The following SCN2A variants were observed in gnomAD, a reference collection of about 807,000 sequenced individuals.
SCN2A encodes sodium channel protein type 2 subunit alpha.
In SCN2A, 20 loss-of-function variants were observed where a neutral mutation model predicts 188.7. The ratio of observed to expected loss-of-function variants is 0.11; its 90% CI spans 0.07 to 0.15. The LOEUF (loss-of-function observed/expected upper bound fraction) is 0.15. SCN2A is among the 10% of genes least tolerant of loss of function. The pLI, the probability that SCN2A is intolerant of heterozygous loss-of-function variation, is 1.00. For missense variants in SCN2A, 1,278 were observed against 2,445.0 expected, an observed-to-expected ratio of 0.52 and a Z score of 10.07; for synonymous variants, 804 against 833.1, an observed-to-expected ratio of 0.97 and a Z score of 0.60.
chr2:165,347,621 C>G (rs1434742178), intron 16 of SCN2A, among the ~76,000 whole-genome samples: 1 of 152,150 alleles, frequency 6.6e-6, no homozygotes, highest in East Asian at 1.9e-4. Flanking sequence ...CCATACCCAA[C>G]ACTAGTGTCC....
At chr2:165,384,781 G>A (rs1338259945) in intron 25 of SCN2A, among the ~76,000 whole-genome samples, 1 of 152,160 alleles carries the variant, frequency 6.6e-6, no homozygotes, top group Non-Finnish European at 1.5e-5. Context: ...TCAAAACTGA[G>A]TTAGAATTCA....
rs745451958 is a variant in SCN2A at position 165,326,908 on chromosome 2, C to G, written c.2073C>G (p.Ser691=). The change falls in exon 13 of 27, where the codon TCC becomes TCG. Residue 691 remains serine (S), a synonymous_variant. Coordinates refer to ENST00000375437, the MANE Select transcript of SCN2A (RefSeq NM_001040142.2). ...GACGGTCCAGTTCTTATCATGTTTC[C>G]ATGGATTTATTGGAAGATCCTACAT... ...RKRRSSSYHV[S]MDLLEDPTSR... 7 of 1,613,920 alleles carry G rather than the reference C, an allele frequency of 4.3e-6. No individual in the cohort carries two copies. The South Asian group carries it at 6.6e-5, about 15-fold the overall frequency.
chr2:165,378,891 A>G (rs1701452675), intron 23 of SCN2A, among the ~76,000 whole-genome samples: 1 of 151,808 alleles, frequency 6.6e-6, no homozygotes, highest in Non-Finnish European at 1.5e-5. Flanking sequence ...GCAAATTTAA[A>G]CCAAAATAAA....
chr2:165,309,599 G>A (rs550493463), intron 6 of SCN2A, among the ~76,000 whole-genome samples, 156 bp downstream of exon 6: 38 of 152,244 alleles, frequency 2.5e-4, no homozygotes, highest in African/African-American at 8.7e-4. Context: ...TTGATTCTTT[G>A]CTTTTTACTC....
chr2:165,308,102 GTAGTGGGCTCACT>G (rs1375543796), intron 4 of SCN2A, among the ~76,000 whole-genome samples, 165 bp downstream of exon 4: 2 of 152,098 alleles, frequency 1.3e-5, no homozygotes, highest in African/African-American at 4.8e-5. Context: ...GACAAAGCTT[GTAGTGGGCTCACT>G]TAGTTGTGTA....
chr2:165,305,636 G>A (rs1697081228), intron 3 of SCN2A, among the ~76,000 whole-genome samples: 2 of 152,092 alleles, frequency 1.3e-5, no homozygotes. Context: ...GCTAAGGGGA[G>A]GAACCATCCT....
At chr2:165,377,391 T>A (rs1701371562) in intron 22 of SCN2A, among the ~76,000 whole-genome samples, 1 of 151,976 alleles carries the variant, frequency 6.6e-6, no homozygotes. Flanking sequence ...ATGCTAAATA[T>A]CCACATAAGA....
At chr2:165,245,644 G>A (rs1693812188) in intron 1 of SCN2A, among the ~76,000 whole-genome samples, 1 of 152,100 alleles carries the variant, frequency 6.6e-6, no homozygotes, top group African/African-American at 2.4e-5. Context: ...CAGTCTAGAA[G>A]ACAGGAGCCT....
chr2:165,309,509 G>A lies in SCN2A; in HGVS notation c.697+66G>A, dbSNP rs1028484708. 6 of 1,587,486 alleles carry A rather than the reference G, an allele frequency of 3.8e-6. No individual in the cohort carries two copies. The African/African-American group carries it at 6.7e-5, about 18-fold the overall frequency. On this transcript the variant is annotated intron_variant, in intron 6 of 26. Transcript: ENST00000375437. ...GTGGTGCTACAATCACAGCTTTTGT[G>A]CAGAAGCCTTGTTGCTAGTTGCATA...
At chr2:165,301,942 A>G (rs1044211541) in intron 3 of SCN2A, among the ~76,000 whole-genome samples, 3 of 152,188 alleles carry the variant, frequency 2.0e-5, no homozygotes, top group African/African-American at 4.8e-5. Flanking sequence ...AAAACTTCAG[A>G]CCAGGTTTTT....
chr2:165,383,402 G>T (rs535292279), intron 25 of SCN2A, among the ~76,000 whole-genome samples: 52 of 152,256 alleles, frequency 3.4e-4, no homozygotes, highest in African/African-American at 1.2e-3. Flanking sequence ...AGGAGGGCTG[G>T]TGAGACTGGA....
intron 3 of SCN2A, among the ~76,000 whole-genome samples, chr2:165,305,551 G>A (rs1178794177): frequency 6.6e-6 from 1 of 152,156 alleles, no homozygotes; most frequent in Admixed American, 6.6e-5. Context: ...AAAGAATACA[G>A]AGAAATTGGT....
At chr2:165,261,443 TA>T (rs1297629308) in intron 1 of SCN2A, among the ~76,000 whole-genome samples, 3 of 152,254 alleles carry the variant, frequency 2.0e-5, no homozygotes, top group African/African-American at 7.2e-5. Flanking sequence ...CAGAGGTTGC[TA>T]AATACTCCAG....
At chr2:165,254,221 C>T (rs1559317479) in intron 1 of SCN2A, among the ~76,000 whole-genome samples, 2 of 151,438 alleles carry the variant, frequency 1.3e-5, no homozygotes, top group African/African-American at 4.8e-5. Flanking sequence ...AGTTCATATT[C>T]TGTTTTGGCC....
At chr2:165,376,035 C>T (rs1701296512) in intron 22 of SCN2A, among the ~76,000 whole-genome samples, 1 of 151,806 alleles carries the variant, frequency 6.6e-6, no homozygotes, top group East Asian at 1.9e-4. Flanking sequence ...GAATGACAAT[C>T]ACCAGGGGCT....
intron 13 of SCN2A, among the ~76,000 whole-genome samples, chr2:165,330,637 C>G (rs1698624128): frequency 6.6e-6 from 1 of 152,078 alleles, no homozygotes. Context: ...ATGTATGTTT[C>G]ACCTAAAATC....
At chr2:165,265,961 T>C (rs1694843688) in intron 1 of SCN2A, among the ~76,000 whole-genome samples, 1 of 151,608 alleles carries the variant, frequency 6.6e-6, no homozygotes, top group Non-Finnish European at 1.5e-5. Flanking sequence ...GCTGGGACCA[T>C]AGGTATGTGC....
At position 165,308,352 on chromosome 2, in the gene SCN2A, G is replaced by A. The variant is rs528122803; in HGVS notation, c.477-314G>A. 2.0e-5 allele frequency among the ~76,000 whole-genome samples: 3 copies of A among 151,998 alleles called. No homozygotes were observed. The South Asian group carries it at 6.2e-4, about 32-fold the overall frequency. On this transcript the variant is annotated intron_variant, in intron 4 of 26. Transcript: ENST00000375437. ...AAATACAAATGCTTCACTCATTTTT[G>A]TATTAATACCTATTTGCTCAAATCG...
At chr2:165,286,024 A>G (rs1695813150) in intron 1 of SCN2A, 1 of 190,994 alleles carries the variant, frequency 5.2e-6, no homozygotes, top group African/African-American at 2.4e-5. Context: ...AAAGGGGCCC[A>G]CAGGAGGAAC....
Sources: gnomAD v4.1 joint callset for allele counts (sites outside exome capture counted in the v4.1 genomes callset) on GRCh38, gnomAD v4.1.1 for gene constraint, MANE v1.5 for transcripts, NCBI Gene and HGNC (gene_info 2026-07-23, HGNC 2026-07-21) for gene names.